SLC43A1: variants seen among roughly 807,000 people sequenced by gnomAD.
SLC43A1 encodes the protein solute carrier family 43 member 1, also known as large neutral amino acids transporter small subunit 3.
SLC43A1 carries 31 observed loss-of-function variants against 59.5 expected under a neutral mutation model. That is an observed-to-expected ratio of 0.52 (90% CI 0.39 to 0.70). The LOEUF (loss-of-function observed/expected upper bound fraction) is 0.70, where lower values mean the gene tolerates loss of function less well. Ranked by LOEUF, SLC43A1 falls within the 30% of genes least tolerant of loss-of-function variation. SLC43A1 has a pLI of 0.00. For synonymous variants in SLC43A1, 259 were observed against 290.9 expected (o/e 0.89, Z 1.12); for missense variants, 598 against 717.8 (o/e 0.83, Z 1.91).
rs747565266 is a variant in SLC43A1 at position 57,487,090 on chromosome 11, C to G, written c.1533+5G>C. On this transcript the variant is annotated splice_donor_5th_base_variant and intron_variant, in intron 14 of 14. Coordinates refer to ENST00000278426, the MANE Select transcript of SLC43A1 (RefSeq NM_003627.6). ...TGCTCCCCCCACACCAACCCTCGCT[C>G]TCACCCAGAAGGGCTCTCCTTTCAG... 3.1e-6 allele frequency: 5 copies of G among 1,613,750 alleles called. No homozygotes were observed. The highest frequency in any genetic ancestry group is 2.2e-5 in the East Asian group (1 of 44,864).
Position 57,491,868 on chromosome 11 carries a change from G to T in SLC43A1, c.872-6C>A, listed in dbSNP as rs770886647. On this transcript the variant is annotated splice_region_variant and splice_polypyrimidine_tract_variant and intron_variant, in intron 8 of 14. Coordinates refer to ENST00000278426, the MANE Select transcript of SLC43A1 (RefSeq NM_003627.6). ...CTTGCGTAAGGGGACAGACCCTGGG[G>T]AGACAGCAGGGGGCGCCCCTGAGCC... 6 of 1,613,664 alleles carry T rather than the reference G, an allele frequency of 3.7e-6. No homozygotes were observed. The South Asian group carries it at 5.5e-5, about 15-fold the overall frequency.
At chr11:57,504,424 C>G (rs1944344573) in intron 2 of SLC43A1, among the ~76,000 whole-genome samples, 1 of 152,198 alleles carries the variant, frequency 6.6e-6, no homozygotes, top group African/African-American at 2.4e-5. Flanking sequence ...AGACACTGTT[C>G]CTGCTCCTAA....
intron 7 of SLC43A1, chr11:57,494,390 G>A: frequency 1.9e-6 from 1 of 514,510 alleles, no homozygotes; most frequent in East Asian, 3.6e-5. Context: ...TGGATCAGCT[G>A]TTTTTCACTT....
In SLC43A1 at chr11:57,514,186, T is replaced by C; in HGVS notation, c.-13-62A>G. On this transcript the variant is annotated intron_variant, in intron 1 of 14. Transcript: ENST00000278426. This position sits in a 1 kb window ranked among gnomAD's most constrained non-coding sequence, Gnocchi z 5.5. ...AGTGGCCCCAGGGAAGGGTCCTGCATCATGGTGGCACCCGAGACCTCTCGG... is the reference window on the plus strand; with the variant it reads ...AGTGGCCCCAGGGAAGGGTCCTGCACCATGGTGGCACCCGAGACCTCTCGG... 6.7e-7 allele frequency: 1 copy of C among 1,482,092 alleles called. No individual in the cohort carries two copies. The highest frequency in any genetic ancestry group is 8.9e-7 in the Non-Finnish European group (1 of 1,124,896). The allele number at this position is 1,482,092 out of a possible 1,614,324, so 91.8% of individuals were successfully genotyped here.
chr11:57,513,109 A>G (rs1454874317), intron 2 of SLC43A1, among the ~76,000 whole-genome samples: 17 of 152,342 alleles, frequency 1.1e-4, no homozygotes, highest in Admixed American at 2.0e-4. Context: ...CTGAAGCTCA[A>G]TGTTTAAGGA....
intron 2 of SLC43A1, among the ~76,000 whole-genome samples, chr11:57,504,344 T>C (rs975570502): frequency 3.3e-5 from 5 of 152,246 alleles, no homozygotes; most frequent in African/African-American, 1.2e-4. Context: ...ATTCTACACC[T>C]GCCCTGCTTT....
At chr11:57,499,221 G>A (rs1456072469) in intron 5 of SLC43A1, among the ~76,000 whole-genome samples, 1 of 152,034 alleles carries the variant, frequency 6.6e-6, no homozygotes, top group African/African-American at 2.4e-5. Context: ...CTACTCGGGA[G>A]GCTGAGGCAG....
intron 5 of SLC43A1, among the ~76,000 whole-genome samples, chr11:57,498,205 C>T (rs1944144769): frequency 6.6e-6 from 1 of 152,124 alleles, no homozygotes; most frequent in Non-Finnish European, 1.5e-5. Flanking sequence ...CTTTGGGAAG[C>T]CGAAGCTGGT....
chr11:57,489,978 C>A (rs1159750765), intron 11 of SLC43A1, among the ~76,000 whole-genome samples: 1 of 152,090 alleles, frequency 6.6e-6, no homozygotes, highest in Non-Finnish European at 1.5e-5. Flanking sequence ...GACAGAAGGG[C>A]CCTGCTAGGG....
chr11:57,497,208 A>C (rs1944114289), intron 6 of SLC43A1, among the ~76,000 whole-genome samples: 1 of 144,904 alleles, frequency 6.9e-6, no homozygotes. Flanking sequence ...TGGCTCAGTC[A>C]AAGGGTCCTT....
intron 8 of SLC43A1, 84 bp from the exon 9 acceptor site, chr11:57,491,946 AG>A: frequency 7.6e-7 from 1 of 1,317,810 alleles, no homozygotes; most frequent in Non-Finnish European, 1.1e-6. Flanking sequence ...TCTTGGGGGG[AG>A]TGACACTAAC....
intron 2 of SLC43A1, among the ~76,000 whole-genome samples, chr11:57,503,151 G>T (rs891174504): frequency 1.3e-5 from 2 of 152,106 alleles, no homozygotes; most frequent in Non-Finnish European, 2.9e-5. Context: ...ACAACAGAGA[G>T]TCTTCTTCAG....
chr11:57,515,120 A>C lies in SLC43A1; in HGVS notation c.-14+324T>G. 1.0e-6 allele frequency: 1 copy of C among 969,992 alleles called. No individual in the cohort carries two copies. Among genetic ancestry groups the C allele is most frequent in the Non-Finnish European group, 1.2e-6 (1 of 816,160 alleles). 60.1% of individuals were successfully genotyped at this position (969,992 alleles called of 1,614,324 possible). A position where few individuals can be genotyped will look rare whatever the true frequency, so the allele number is the denominator to read the frequency against. On this transcript the variant is annotated intron_variant, in intron 1 of 14. Transcript: ENST00000278426. This position sits in a 1 kb window ranked among gnomAD's most constrained non-coding sequence, Gnocchi z 5.3. ...AGTACCAGTCACTTCTTCCAGGGGG[A>C]CTCGGTATTCTCATCTGTGAAACGG...
chr11:57,489,431 T>C lies in SLC43A1; in HGVS notation c.1194-39A>G, dbSNP rs777697142. The C allele has an allele frequency of 3.1e-6, 5 of 1,609,118 alleles. No individual in the cohort carries two copies. The South Asian group carries it at 5.5e-5, about 18-fold the overall frequency. On this transcript the variant is annotated intron_variant, in intron 11 of 14. Transcript: ENST00000278426. ...GAAGTCACTGGCTGCTGCCTCTACG[T>C]TCCCAGGACTCCCTGGTTCTTGGCC... is the stretch of plus-strand genomic sequence containing the variant.
At chr11:57,489,149 C>A in intron 12 of SLC43A1, 102 bp downstream of exon 12, 1 of 1,486,294 alleles carries the variant, frequency 6.7e-7, no homozygotes, top group South Asian at 1.2e-5. Flanking sequence ...AGATCCAGAT[C>A]AGAAGACCAG....
At chr11:57,488,826 G>A (rs1943816099) in intron 13 of SLC43A1, 90 bp downstream of exon 13, 1 of 1,070,802 alleles carries the variant, frequency 9.3e-7, no homozygotes, top group Non-Finnish European at 1.5e-6. Flanking sequence ...AGGTGCATTA[G>A]GGGATGCCTG....
chr11:57,491,908 G>A, intron 8 of SLC43A1, 46 bp from the exon 9 acceptor site: 1 of 1,592,560 alleles, frequency 6.3e-7, no homozygotes, highest in Non-Finnish European at 8.6e-7. Context: ...ACCTTCCACT[G>A]CCCTCTGATT....
chr11:57,497,703 C>T (rs760463967), intron 6 of SLC43A1, 50 bp downstream of exon 6: 32 of 1,456,488 alleles, frequency 2.2e-5, no homozygotes, highest in Non-Finnish European at 2.7e-5. Flanking sequence ...TCACTCGGCC[C>T]CACCCGGTTC....
intron 2 of SLC43A1, among the ~76,000 whole-genome samples, chr11:57,503,297 GT>G (rs11402480): frequency 2.1e-3 from 249 of 115,858 alleles, no homozygotes; most frequent in Middle Eastern, 0.01. Context: ...TTCTCTACAG[GT>G]TTTTTTTTTT....
Sources: gnomAD v4.1 joint callset for allele counts (sites outside exome capture counted in the v4.1 genomes callset) on GRCh38, gnomAD v4.1.1 for gene constraint, Gnocchi (gnomAD v3.1) non-coding constraint, MANE v1.5 for transcripts, NCBI Gene and HGNC (gene_info 2026-07-23, HGNC 2026-07-21) for gene names.